Variants in HCN1 observed in about 807,000 individuals in gnomAD.
HCN1 encodes the protein potassium/sodium hyperpolarization-activated cyclic nucleotide-gated channel 1.
HCN1 carries 13 observed loss-of-function variants against 78.9 expected under a neutral mutation model. That is an observed-to-expected ratio of 0.16 (90% CI 0.11 to 0.26). HCN1 has a LOEUF of 0.26. Ranked by LOEUF, HCN1 falls within the 10% of genes least tolerant of loss-of-function variation. The pLI is 1.00. For missense variants in HCN1, 810 were observed against 1,154.3 expected (o/e 0.70, Z 4.32); for synonymous variants, 552 against 455.5 (o/e 1.21, Z -2.70).
At chr5:45,571,078 C>T (rs1579975776) in intron 2 of HCN1, among the ~76,000 whole-genome samples, 1 of 152,220 alleles carries the variant, frequency 6.6e-6, no homozygotes, top group Admixed American at 6.5e-5. Context: ...TCCATGTCTA[C>T]ATTGGTTTAA....
chr5:45,484,825 A>G (rs2111684023), intron 2 of HCN1, among the ~76,000 whole-genome samples: 1 of 152,296 alleles, frequency 6.6e-6, no homozygotes, highest in Non-Finnish European at 1.5e-5. Context: ...GTCAATGTGA[A>G]TGTCAGTGTT....
chr5:45,374,833 T>C (rs1207813093), intron 4 of HCN1, among the ~76,000 whole-genome samples: 1 of 147,332 alleles, frequency 6.8e-6, no homozygotes, highest in African/African-American at 2.5e-5. Context: ...TAGATAGATA[T>C]CTTTTTCTTC....
At chr5:45,607,809 G>T (rs922208235) in intron 2 of HCN1, among the ~76,000 whole-genome samples, 33 of 151,618 alleles carry the variant, frequency 2.2e-4, no homozygotes, top group Non-Finnish European at 1.5e-5. Flanking sequence ...TTAAAGCATT[G>T]TCTTTAAAAT....
At chr5:45,362,230 G>C (rs1194706369) in intron 4 of HCN1, among the ~76,000 whole-genome samples, 2 of 151,488 alleles carry the variant, frequency 1.3e-5, no homozygotes, top group Non-Finnish European at 2.9e-5. Context: ...AATTGAACAA[G>C]AGTATGGACT....
intron 1 of HCN1, 59 bp downstream of exon 1, chr5:45,695,610 G>A (rs1053427702): frequency 4.8e-5 from 74 of 1,554,310 alleles, no homozygotes; most frequent in Non-Finnish European, 6.2e-5. Context: ...CCAAGGGCGG[G>A]GAAGCGCGTT....
At chr5:45,647,904 T>G (rs1745582314) in intron 1 of HCN1, among the ~76,000 whole-genome samples, 2 of 152,222 alleles carry the variant, frequency 1.3e-5, no homozygotes, top group African/African-American at 4.8e-5. Flanking sequence ...GTTGTATTCA[T>G]CCATTTGCAC....
At chr5:45,305,048 A>C (rs1412109909) in intron 5 of HCN1, among the ~76,000 whole-genome samples, 3 of 152,140 alleles carry the variant, frequency 2.0e-5, no homozygotes, top group African/African-American at 4.8e-5. Context: ...TAGTTACCCC[A>C]AAAAAGGTTG....
intron 2 of HCN1, among the ~76,000 whole-genome samples, chr5:45,610,481 G>A (rs1382863338): frequency 6.7e-6 from 1 of 150,370 alleles, no homozygotes. Context: ...ATTGCGATAT[G>A]TGTGTACATT....
chr5:45,304,418 C>A (rs555850212), intron 5 of HCN1, among the ~76,000 whole-genome samples: 1 of 152,092 alleles, frequency 6.6e-6, no homozygotes, highest in Non-Finnish European at 1.5e-5. Flanking sequence ...TGGCTCATGG[C>A]TGTAATTCCA....
chr5:45,537,523 CTTTTTTTTTTTTTTTTT>C (rs71000638), intron 2 of HCN1, among the ~76,000 whole-genome samples: 2 of 25,768 alleles, frequency 7.8e-5, no homozygotes, highest in African/African-American at 1.6e-4. Context: ...AACTCTAAGT[CTTTTTTTTTTTTTTTTT>C]TTTTTTTTTT....
chr5:45,495,143 ATTGG>A (rs1741996511), intron 2 of HCN1, among the ~76,000 whole-genome samples: 1 of 129,336 alleles, frequency 7.7e-6, no homozygotes, highest in East Asian at 2.2e-4. Flanking sequence ...GAAGAAAGTC[ATTGG>A]TAGCTTGATG....
rs1746146795 is a variant in HCN1 at position 45,671,387 on chromosome 5, T to C, written c.425+24282A>G. 2.6e-5 allele frequency among the ~76,000 whole-genome samples: 4 copies of C among 151,364 alleles called. No homozygotes were observed. The Admixed American group carries it at 2.6e-4, about 10-fold the overall frequency. On this transcript the variant is annotated intron_variant, in intron 1 of 7. Coordinates refer to ENST00000303230, the MANE Select transcript of HCN1 (RefSeq NM_021072.4). ...CATTAGATTATCTGCTATTATATAT[T>C]ATTAAAGTACTATATATAGTACTAT...
At position 45,262,275 on chromosome 5, in the gene HCN1, C is replaced by T; in HGVS notation, c.2319G>A (p.Ala773=). 1.9e-6 allele frequency: 3 copies of T among 1,613,958 alleles called. No homozygotes were observed. The highest frequency in any genetic ancestry group is 2.5e-6 in the Non-Finnish European group (3 of 1,180,016). Residue 773 remains alanine, a synonymous_variant, in exon 8 of 8, where the codon GCG becomes GCA. Coordinates refer to ENST00000303230, the MANE Select transcript of HCN1 (RefSeq NM_021072.4). ...PKNEVHKSTQ[A]LHNTNLTREV... Reference sequence around the variant, plus strand: ...CCCGGGTCAGGTTGGTGTTGTGAAGCGCCTGCGTGCTCTTGTGCACTTCAT... The same window carrying T: ...CCCGGGTCAGGTTGGTGTTGTGAAGTGCCTGCGTGCTCTTGTGCACTTCAT...
chr5:45,442,912 T>C (rs1047064217), intron 3 of HCN1, among the ~76,000 whole-genome samples: 4 of 152,090 alleles, frequency 2.6e-5, no homozygotes, highest in African/African-American at 9.7e-5. Flanking sequence ...TTTGGTTGAA[T>C]TGGTAGTTTT....
intron 1 of HCN1, among the ~76,000 whole-genome samples, chr5:45,688,530 T>C (rs887310480): frequency 4.6e-5 from 7 of 152,146 alleles, no homozygotes; most frequent in African/African-American, 1.4e-4. Context: ...TCTGAATTTA[T>C]TAACTCTAAG....
chr5:45,657,537 A>G (rs566228437), intron 1 of HCN1, among the ~76,000 whole-genome samples: 13 of 152,330 alleles, frequency 8.5e-5, no homozygotes, highest in Middle Eastern at 3.4e-3. Flanking sequence ...TTATAAATTT[A>G]CTAAGTTCTG....
intron 5 of HCN1, among the ~76,000 whole-genome samples, chr5:45,349,574 A>G (rs953884644): frequency 1.3e-5 from 2 of 152,076 alleles, no homozygotes; most frequent in Admixed American, 6.6e-5. Context: ...AAAAAATTAA[A>G]GAATGCAGGA....
intron 5 of HCN1, among the ~76,000 whole-genome samples, chr5:45,339,451 C>A (rs1746530440): frequency 6.6e-6 from 1 of 151,966 alleles, no homozygotes; most frequent in Non-Finnish European, 1.5e-5. Flanking sequence ...ATTTATTTTC[C>A]AGGAAATTGT....
chr5:45,364,759 AATAAT>A (rs1370668935), intron 4 of HCN1, among the ~76,000 whole-genome samples: 6 of 152,100 alleles, frequency 3.9e-5, no homozygotes, highest in African/African-American at 1.4e-4. Context: ...TGTAAATTAA[AATAAT>A]ATGAGAATTT....
Sources: allele counts gnomAD v4.1 joint callset (sites outside exome capture counted in the v4.1 genomes callset), GRCh38; gene constraint gnomAD v4.1.1; transcripts MANE v1.5; gene names NCBI Gene and HGNC (gene_info 2026-07-23, HGNC 2026-07-21).